The following ZNF521 variants were observed in gnomAD, a reference collection of about 807,000 sequenced individuals.
The protein encoded by ZNF521 is zinc finger protein 521.
In ZNF521, 14 loss-of-function variants were observed where a neutral mutation model predicts 105.5. The observed-to-expected ratio is 0.13, with a 90% CI of 0.09 to 0.21. ZNF521 has a LOEUF of 0.21. ZNF521 is among the 10% of genes least tolerant of loss of function. ZNF521 has a pLI of 1.00. For missense variants in ZNF521, 1,233 were observed against 1,629.7 expected (o/e 0.76, Z 4.19); for synonymous variants, 635 against 606.0 (o/e 1.05, Z -0.70).
rs763741480 is a variant in ZNF521, at chr18:25,226,468, C to G, written c.1450G>C (p.Glu484Gln). Residue 484 changes from glutamate (E) to glutamine (Q), a missense_variant, in exon 4 of 8, where the codon GAA (glutamate) becomes CAA (glutamine). This residue lies in a region of ZNF521 where 380 missense variants were observed against 478.0 expected (regional missense o/e 0.80). Coordinates refer to ENST00000361524, the MANE Select transcript of ZNF521 (RefSeq NM_015461.3). This position sits in a 1 kb window ranked among gnomAD's most constrained non-coding sequence, Gnocchi z 4.1. ...AIVYQCNFCS[E>Q]VVNDLNTLQE... Reference sequence around the variant, plus strand: ...AGAGTGTTGAGGTCGTTGACAACTTCGGAACAGAAGTTACACTGGTAGACA... The same window carrying G: ...AGAGTGTTGAGGTCGTTGACAACTTGGGAACAGAAGTTACACTGGTAGACA... 6.2e-7 allele frequency: 1 copy of G among 1,614,018 alleles called. No homozygotes were observed. Among genetic ancestry groups the G allele is most frequent in the Non-Finnish European group, 8.5e-7 (1 of 1,180,032 alleles).
In ZNF521 at chr18:25,092,098, A is replaced by C; in HGVS notation, c.3659-17T>G. On this transcript the variant is annotated splice_polypyrimidine_tract_variant and intron_variant, in intron 5 of 7. Coordinates refer to ENST00000361524, the MANE Select transcript of ZNF521 (RefSeq NM_015461.3). ...GTCCTTCATCTGTCAAGGAAAACAC[A>C]TGAAGAGAAATGATGAAAACCTGTC... is the stretch of plus-strand genomic sequence containing the variant. 1 of 1,613,360 alleles carries C rather than the reference A, an allele frequency of 6.2e-7. No individual in the cohort carries two copies. The highest frequency in any genetic ancestry group is 8.5e-7 in the Non-Finnish European group (1 of 1,179,564).
At chr18:25,325,094 G>A (rs574178426) in intron 2 of ZNF521, among the ~76,000 whole-genome samples, 12 of 152,318 alleles carry the variant, frequency 7.9e-5, no homozygotes, top group African/African-American at 2.6e-4. Flanking sequence ...TCTGGGAAGC[G>A]GGTTCGATTA....
intron 4 of ZNF521, among the ~76,000 whole-genome samples, chr18:25,218,704 C>T (rs889624261): frequency 5.3e-5 from 8 of 151,254 alleles, no homozygotes; most frequent in Non-Finnish European, 7.4e-5. Context: ...AAAAATTAGC[C>T]GGGAATGGTG....
chr18:25,161,269 T>C (rs761433886), intron 5 of ZNF521, among the ~76,000 whole-genome samples: 57 of 152,142 alleles, frequency 3.7e-4, no homozygotes, highest in Non-Finnish European at 7.1e-4. Flanking sequence ...GGGGAAGTTT[T>C]GTTTGGACAC....
At chr18:25,178,007 T>G (rs2035563892) in intron 5 of ZNF521, among the ~76,000 whole-genome samples, 1 of 152,218 alleles carries the variant, frequency 6.6e-6, no homozygotes, top group Admixed American at 6.5e-5. Context: ...AGTGTTCTTC[T>G]TCATTACTCC....
At chr18:25,147,548 A>T (rs1391323972) in intron 5 of ZNF521, among the ~76,000 whole-genome samples, 1 of 152,200 alleles carries the variant, frequency 6.6e-6, no homozygotes, top group East Asian at 1.9e-4. Flanking sequence ...GGATTACATT[A>T]GTTCGACAGC....
At chr18:25,243,454 A>T (rs1295711049) in intron 3 of ZNF521, among the ~76,000 whole-genome samples, 1 of 152,202 alleles carries the variant, frequency 6.6e-6, no homozygotes, top group African/African-American at 2.4e-5. Context: ...GACACAATTA[A>T]AAGAGGAAAT....
In ZNF521 at chr18:25,249,095, C is replaced by A. The variant is rs567085436; in HGVS notation, c.221-21398G>T. Among the ~76,000 whole-genome samples the A allele has an allele frequency of 2.0e-3, 300 of 152,002 alleles. 1 individual carries two copies. Among genetic ancestry groups the A allele is most frequent in the African/African-American group, 6.5e-3 (268 of 41,436 alleles). ...CAGCATTGTCTTATATATTAACAAC[C>A]CTCTCTCACATAGCAAGAATAAATA... is the stretch of plus-strand genomic sequence containing the variant. On this transcript the variant is annotated intron_variant, in intron 3 of 7. Coordinates refer to ENST00000361524, the MANE Select transcript of ZNF521 (RefSeq NM_015461.3).
Position 25,322,418 on chromosome 18 carries a change from C to G in ZNF521, c.41-231G>C, listed in dbSNP as rs1912980461. The G allele has an allele frequency of 1.0e-5, 6 of 596,930 alleles. No homozygotes were observed. In the East Asian group the frequency reaches 1.9e-4, roughly 19 times the overall value. 37.0% of individuals were successfully genotyped at this position (596,930 alleles called of 1,614,324 possible). A position where few individuals can be genotyped will look rare whatever the true frequency, so the allele number is the denominator to read the frequency against. ...TTCCCCACCATGTAGCCCTTTTCCT[C>G]TCTCTCCCATCAAATCACTCACCCA... On this transcript the variant is annotated intron_variant, in intron 2 of 7. Transcript: ENST00000361524.
At position 25,314,234 on chromosome 18, in the gene ZNF521, G is replaced by A. The variant is rs1190420427; in HGVS notation, c.220+7774C>T. Among the ~76,000 whole-genome samples the A allele has an allele frequency of 3.3e-5, 5 of 152,034 alleles. No individual in the cohort carries two copies. In the South Asian group the frequency reaches 1.0e-3, roughly 31 times the overall value. The stretch of plus-strand genomic sequence containing the variant: ...CTAAGCAGTTTCAATCTGCTTTTAT[G>A]AAAACGATGCTTCATTCTGTAAACT... On this transcript the variant is annotated intron_variant, in intron 3 of 7. Transcript: ENST00000361524.
At chr18:25,074,983 T>TA (rs1378913609) in intron 7 of ZNF521, among the ~76,000 whole-genome samples, 2 of 152,138 alleles carry the variant, frequency 1.3e-5, no homozygotes, top group Admixed American at 6.5e-5. Flanking sequence ...GCAATATAAT[T>TA]AAAAAAATCT....
At chr18:25,251,009 C>T (rs759942238) in intron 3 of ZNF521, among the ~76,000 whole-genome samples, 1 of 152,132 alleles carries the variant, frequency 6.6e-6, no homozygotes, top group Non-Finnish European at 1.5e-5. Context: ...ACTCAAATAA[C>T]TGAGGTTTGT....
intron 3 of ZNF521, among the ~76,000 whole-genome samples, chr18:25,270,626 G>C (rs531481340): frequency 1.3e-5 from 2 of 151,994 alleles, no homozygotes; most frequent in East Asian, 3.8e-4. Context: ...TTCAATATAC[G>C]CAAATCAATA....
chr18:25,216,145 C>A (rs13353214), intron 4 of ZNF521, among the ~76,000 whole-genome samples: 1 of 151,916 alleles, frequency 6.6e-6, no homozygotes, highest in Admixed American at 6.6e-5. Context: ...CTGTTTTTTT[C>A]AGCCTCATAG....
At chr18:25,080,397 C>T (rs911904612) in intron 7 of ZNF521, among the ~76,000 whole-genome samples, 3 of 152,166 alleles carry the variant, frequency 2.0e-5, no homozygotes, top group Admixed American at 1.3e-4. Context: ...CAGAACACTA[C>T]TCTCTCTCTC....
At chr18:25,245,187 G>A (rs1318587105) in intron 3 of ZNF521, among the ~76,000 whole-genome samples, 1 of 152,182 alleles carries the variant, frequency 6.6e-6, no homozygotes, top group African/African-American at 2.4e-5. Flanking sequence ...ATTTTGTTGT[G>A]AGTCATCAAT....
chr18:25,308,193 C>CAAAA lies in ZNF521; in HGVS notation c.220+13811_220+13814dup, dbSNP rs756580169. Among the ~76,000 whole-genome samples the CAAAA allele has an allele frequency of 3.9e-4, 12 of 31,090 alleles. 1 individual carries two copies. The highest frequency in any genetic ancestry group is 1.4e-3 in the East Asian group (1 of 692). The allele number at this position is 31,090 out of a possible 152,430, so 20.4% of individuals were successfully genotyped here. ...CTCCAGCCTGGGCAAGACTGCATCT[C>CAAAA]AAAAAAAAAAAAAAAAAAAAAAAAA... On this transcript the variant is annotated intron_variant, in intron 3 of 7. Transcript: ENST00000361524.
chr18:25,106,515 A>G (rs1293497825), intron 5 of ZNF521, among the ~76,000 whole-genome samples: 1 of 152,158 alleles, frequency 6.6e-6, no homozygotes, highest in Admixed American at 6.5e-5. Flanking sequence ...CTAAATCACA[A>G]TAGCAGCACA....
intron 3 of ZNF521, among the ~76,000 whole-genome samples, chr18:25,283,074 T>C (rs1236413993): frequency 6.6e-6 from 1 of 152,218 alleles, no homozygotes; most frequent in South Asian, 2.1e-4. Flanking sequence ...TCTTTCTGTG[T>C]AATGGATGGG....
Sources: gnomAD v4.1 joint callset for allele counts (sites outside exome capture counted in the v4.1 genomes callset) on GRCh38, gnomAD v4.1.1 for gene constraint, gnomAD v4.1.1 regional missense constraint, Gnocchi (gnomAD v3.1) non-coding constraint, MANE v1.5 for transcripts, NCBI Gene and HGNC (gene_info 2026-07-23, HGNC 2026-07-21) for gene names.